Variants in SH3GL2 observed in about 807,000 individuals in gnomAD.
SH3GL2 encodes the protein SH3 domain containing GRB2 like 2, endophilin A1.
A neutral mutation model predicts 46.0 loss-of-function variants in SH3GL2; 24 were observed. The ratio of observed to expected loss-of-function variants is 0.52; its 90% CI spans 0.38 to 0.73. The LOEUF is 0.73. SH3GL2 is among the 30% of genes least tolerant of loss of function. The pLI is 0.00. For missense variants in SH3GL2, 413 were observed against 424.2 expected, an observed-to-expected ratio of 0.97 and a Z score of 0.23; for synonymous variants, 196 against 147.1, an observed-to-expected ratio of 1.33 and a Z score of -2.40.
chr9:17,700,058 A>C (rs73645144), intron 1 of SH3GL2, among the ~76,000 whole-genome samples: 4,273 of 152,288 alleles, frequency 0.028, 93 homozygotes, highest in African/African-American at 0.043. Context: ...GTGCAAGAAG[A>C]AAATAGTTCT....
intron 2 of SH3GL2, among the ~76,000 whole-genome samples, chr9:17,759,950 A>G (rs1823120016): frequency 6.6e-6 from 1 of 152,178 alleles, no homozygotes; most frequent in Non-Finnish European, 1.5e-5. Flanking sequence ...TTTGTTCCAT[A>G]CACACCTTTG....
At chr9:17,669,409 T>C (rs1820419909) in intron 1 of SH3GL2, among the ~76,000 whole-genome samples, 1 of 152,198 alleles carries the variant, frequency 6.6e-6, no homozygotes, top group Non-Finnish European at 1.5e-5. Context: ...TGTTGCTCTT[T>C]TATAACCGTA....
intron 1 of SH3GL2, among the ~76,000 whole-genome samples, chr9:17,686,357 C>T (rs1277947947): frequency 7.5e-6 from 1 of 134,182 alleles, no homozygotes; most frequent in Non-Finnish European, 1.6e-5. Flanking sequence ...TAAACTAGTT[C>T]AACCATTGTG....
chr9:17,782,978 A>AG (rs1336122431), intron 3 of SH3GL2, among the ~76,000 whole-genome samples: 2 of 152,090 alleles, frequency 1.3e-5, no homozygotes, highest in Non-Finnish European at 2.9e-5. Flanking sequence ...CACGCAAGGA[A>AG]GGGACTCTGG....
intron 8 of SH3GL2, among the ~76,000 whole-genome samples, chr9:17,793,909 C>T (rs1588343477): frequency 6.6e-6 from 1 of 152,226 alleles, no homozygotes; most frequent in East Asian, 1.9e-4. Context: ...TCCCCACATG[C>T]ATTCGCATAT....
At chr9:17,792,665 A>G (rs1824166770) in intron 7 of SH3GL2, among the ~76,000 whole-genome samples, 1 of 152,200 alleles carries the variant, frequency 6.6e-6, no homozygotes, top group Non-Finnish European at 1.5e-5. Context: ...TGTTCTGAAT[A>G]GAATAGCTCC....
At chr9:17,784,936 C>G (rs1280430536) in intron 3 of SH3GL2, among the ~76,000 whole-genome samples, 1 of 152,188 alleles carries the variant, frequency 6.6e-6, no homozygotes, top group Non-Finnish European at 1.5e-5. Flanking sequence ...TGGTCTCAAA[C>G]TCCTGGCCTC....
At chr9:17,714,761 C>G (rs60421038) in intron 1 of SH3GL2, among the ~76,000 whole-genome samples, 4,503 of 151,818 alleles carry the variant, frequency 0.03, 87 homozygotes, top group African/African-American at 0.048. Flanking sequence ...AGTCAGTTAT[C>G]TTTTAATAGG....
intron 1 of SH3GL2, among the ~76,000 whole-genome samples, chr9:17,730,880 C>G (rs1296548240): frequency 1.3e-5 from 2 of 152,022 alleles, no homozygotes; most frequent in African/African-American, 4.8e-5. Context: ...TTTCAATATG[C>G]TGTGTAAGGA....
At chr9:17,780,474 T>G (rs1221158924) in intron 3 of SH3GL2, among the ~76,000 whole-genome samples, 3 of 128,078 alleles carry the variant, frequency 2.3e-5, no homozygotes, top group Non-Finnish European at 5.4e-5. Flanking sequence ...GCACAGTTTT[T>G]TTTTTTAATT....
chr9:17,774,559 T>G (rs1264713765), intron 3 of SH3GL2, among the ~76,000 whole-genome samples: 1 of 152,062 alleles, frequency 6.6e-6, no homozygotes, highest in African/African-American at 2.4e-5. Context: ...TGGTTTTTTT[T>G]TTTACTCTAT....
chr9:17,614,587 G>T (rs1818944127), intron 1 of SH3GL2, among the ~76,000 whole-genome samples: 1 of 152,158 alleles, frequency 6.6e-6, no homozygotes, highest in Admixed American at 6.5e-5. Flanking sequence ...GAACTTCCAT[G>T]TGTCAGAGAG....
At chr9:17,666,816 T>C (rs1820356164) in intron 1 of SH3GL2, among the ~76,000 whole-genome samples, 1 of 152,086 alleles carries the variant, frequency 6.6e-6, no homozygotes, top group Non-Finnish European at 1.5e-5. Flanking sequence ...GTAAGTACTT[T>C]TGTTAGATTT....
intron 1 of SH3GL2, among the ~76,000 whole-genome samples, chr9:17,733,205 A>G (rs1370524963): frequency 5.3e-5 from 8 of 152,164 alleles, no homozygotes; most frequent in Admixed American, 5.2e-4. Flanking sequence ...AAACGAAGTT[A>G]GACTGCATAT....
intron 1 of SH3GL2, among the ~76,000 whole-genome samples, chr9:17,612,180 T>G (rs1374322651): frequency 6.6e-6 from 1 of 152,144 alleles, no homozygotes; most frequent in Non-Finnish European, 1.5e-5. Flanking sequence ...TCTCTAGTTC[T>G]GTGCACAGAA....
At position 17,691,391 on chromosome 9, in the gene SH3GL2, G is replaced by T. The variant is rs573115648; in HGVS notation, c.46-55675G>T. 2.6e-5 allele frequency among the ~76,000 whole-genome samples: 4 copies of T among 152,126 alleles called. No homozygotes were observed. In the South Asian group the frequency reaches 8.3e-4, roughly 32 times the overall value. On this transcript the variant is annotated intron_variant, in intron 1 of 8. Coordinates refer to ENST00000380607, the MANE Select transcript of SH3GL2 (RefSeq NM_003026.5). ...TTGTGTGTCTCTTTTAAATTTGTTG[G>T]ACAGATAATAGAAAATTAGATAGTA...
At chr9:17,642,828 T>G (rs987285157) in intron 1 of SH3GL2, among the ~76,000 whole-genome samples, 7 of 152,342 alleles carry the variant, frequency 4.6e-5, no homozygotes, top group African/African-American at 1.7e-4. Flanking sequence ...GTCTTGGCTA[T>G]ATGGACTTTT....
chr9:17,665,631 C>T (rs1820323815), intron 1 of SH3GL2, among the ~76,000 whole-genome samples: 1 of 152,008 alleles, frequency 6.6e-6, no homozygotes, highest in Non-Finnish European at 1.5e-5. Context: ...AGAGCCCCGT[C>T]AGCTTAAAGA....
chr9:17,695,510 A>G (rs1178560139), intron 1 of SH3GL2, among the ~76,000 whole-genome samples: 1 of 152,078 alleles, frequency 6.6e-6, no homozygotes, highest in East Asian at 1.9e-4. Context: ...CAGGGGAACA[A>G]ATGCAATTGC....
Sources: gnomAD v4.1 joint callset for allele counts (sites outside exome capture counted in the v4.1 genomes callset) on GRCh38, gnomAD v4.1.1 for gene constraint, MANE v1.5 for transcripts, NCBI Gene and HGNC (gene_info 2026-07-23, HGNC 2026-07-21) for gene names.